The following TMTC1 variants were observed in gnomAD, a reference collection of about 807,000 sequenced individuals.
The protein encoded by TMTC1 is transmembrane O-mannosyltransferase targeting cadherins 1.
A neutral mutation model predicts 104.8 loss-of-function variants in TMTC1; 73 were observed. The ratio of observed to expected loss-of-function variants is 0.70; its 90% CI spans 0.58 to 0.85. The LOEUF is 0.85. Among genes scored for constraint, TMTC1 ranks in the 40% least tolerant of loss-of-function variants. The pLI is 0.00. For synonymous variants in TMTC1, 434 were observed against 428.7 expected (o/e 1.01, Z -0.15); for missense variants, 1,035 against 1,096.1 (o/e 0.94, Z 0.79).
chr12:29,685,593 C>T lies in TMTC1; in HGVS notation c.939-52257G>A, dbSNP rs116651662. Among the ~76,000 whole-genome samples, 592 of 151,942 alleles carry T rather than the reference C, an allele frequency of 3.9e-3. 5 individuals carry two copies. The highest frequency in any genetic ancestry group is 0.014 in the African/African-American group (564 of 41,428). On this transcript the variant is annotated intron_variant, in intron 5 of 17. Transcript: ENST00000539277. Reference sequence around the variant, plus strand: ...CACTGAATTTAAAAAAAGCAAATTACTCTGTTAAGAGGCATTATTTTCTAT... The same window carrying T: ...CACTGAATTTAAAAAAAGCAAATTATTCTGTTAAGAGGCATTATTTTCTAT...
At chr12:29,698,042 G>A (rs1236534005) in intron 5 of TMTC1, among the ~76,000 whole-genome samples, 10 of 152,148 alleles carry the variant, frequency 6.6e-5, no homozygotes, top group Admixed American at 6.5e-4. Flanking sequence ...TTGGAAATCA[G>A]GAGGTGCTGG....
chr12:29,551,103 G>C (rs964606134), intron 10 of TMTC1, among the ~76,000 whole-genome samples: 6 of 152,140 alleles, frequency 3.9e-5, no homozygotes, highest in East Asian at 1.9e-4. Flanking sequence ...GGTGCAGAGT[G>C]GGGGATAGAA....
chr12:29,689,762 C>T (rs1035570951), intron 5 of TMTC1, among the ~76,000 whole-genome samples: 1 of 152,132 alleles, frequency 6.6e-6, no homozygotes, highest in African/African-American at 2.4e-5. Context: ...AATGTGCTCC[C>T]TTCTGTTTGT....
At chr12:29,528,036 A>G (rs1944398282) in intron 11 of TMTC1, among the ~76,000 whole-genome samples, 1 of 152,182 alleles carries the variant, frequency 6.6e-6, no homozygotes, top group African/African-American at 2.4e-5. Flanking sequence ...GGAATGATCA[A>G]CTCTACTCAT....
At chr12:29,599,373 T>G (rs1383825132) in intron 7 of TMTC1, among the ~76,000 whole-genome samples, 1 of 152,228 alleles carries the variant, frequency 6.6e-6, no homozygotes, top group Non-Finnish European at 1.5e-5. Context: ...CTTTTGGTGG[T>G]AAACTCTGAC....
rs16934884 is a variant in TMTC1 at position 29,768,012 on chromosome 12, G to A, written c.366C>T (p.His122=). ...FYFHAVNIIL[H]CLVTLVLMYT... The stretch of plus-strand genomic sequence containing the variant: ...ACATCAGCACAAGAGTCACTAAGCA[G>A]TGTAAAATTATATTTACTGCATGAA... The change falls in exon 2 of 18, where the codon CAC becomes CAT. Residue 122 remains histidine (H), a synonymous_variant. Transcript: ENST00000539277. The A allele has an allele frequency of 4.0e-3, 6,520 of 1,613,686 alleles. 194 individuals are homozygous for A. The African/African-American group carries it at 0.07, about 17-fold the overall frequency.
rs757642370 is a variant in TMTC1, at chr12:29,506,857, C to A, written c.2638G>T (p.Asp880Tyr). 3 of 1,614,092 alleles carry A rather than the reference C, an allele frequency of 1.9e-6. No individual in the cohort carries two copies. The highest frequency in any genetic ancestry group is 1.3e-5 in the African/African-American group (1 of 75,032). Residue 880 changes from aspartate (D) to tyrosine (Y), a missense_variant, in exon 18 of 18, where the codon GAT (aspartate) becomes TAT (tyrosine). Asp to Tyr is a radical substitution (Grantham distance 160). Transcript: ENST00000539277. ...EKRLQEVREK[D>Y]QT is the part of the protein sequence containing the mutation. ...GTCAGACGGTGGTGCTATGTTTGAT[C>A]CTTTTCTCGAACTTCTTGTAATCGT...
chr12:29,616,540 C>T (rs753695164), intron 6 of TMTC1, among the ~76,000 whole-genome samples: 20 of 151,854 alleles, frequency 1.3e-4, no homozygotes, highest in African/African-American at 1.7e-4. Context: ...TGGTGGTGGA[C>T]GCCTGTAATC....
In TMTC1 at chr12:29,583,518, T is replaced by A. The variant is rs1176938677; in HGVS notation, c.1307A>T (p.Asn436Ile). Reference protein sequence around the residue: ...HGLSKLCTWLNRCGATTLIVS... With the variant: ...HGLSKLCTWLIRCGATTLIVS... ...AATCAGGGTGGTGGCCCCACATCGA[T>A]TCAGCCAAGTGCAGAGCTTGCTCAG... The change falls in exon 8 of 18, where the codon AAT becomes ATT. Residue 436 changes from asparagine to isoleucine, a missense_variant. Coordinates refer to ENST00000539277, the MANE Select transcript of TMTC1 (RefSeq NM_001193451.2). 1.9e-6 allele frequency: 3 copies of A among 1,613,788 alleles called. No individual in the cohort carries two copies. Among genetic ancestry groups the A allele is most frequent in the Non-Finnish European group, 2.5e-6 (3 of 1,179,852 alleles).
chr12:29,662,880 C>T (rs1322192538), intron 5 of TMTC1, among the ~76,000 whole-genome samples: 1 of 152,104 alleles, frequency 6.6e-6, no homozygotes, highest in African/African-American at 2.4e-5. Context: ...GTCCAAAAAA[C>T]ACAAAAGAGA....
At position 29,663,299 on chromosome 12, in the gene TMTC1, A is replaced by C. The variant is rs1261924565; in HGVS notation, c.939-29963T>G. ...TGTATCAATGGCAGCAGAAAGGCAAAGAGAATGACACAGTGGAAATGGAAA... is the reference window on the plus strand; with the variant it reads ...TGTATCAATGGCAGCAGAAAGGCAACGAGAATGACACAGTGGAAATGGAAA... On this transcript the variant is annotated intron_variant, in intron 5 of 17. Transcript: ENST00000539277. Among the ~76,000 whole-genome samples, 7 of 152,206 alleles carry C rather than the reference A, an allele frequency of 4.6e-5. No individual in the cohort carries two copies. In the East Asian group the frequency reaches 1.2e-3, roughly 25 times the overall value.
intron 1 of TMTC1, among the ~76,000 whole-genome samples, chr12:29,768,656 T>C (rs750572429): frequency 1.8e-4 from 27 of 152,308 alleles, no homozygotes; most frequent in South Asian, 1.2e-3. Flanking sequence ...TACAGGCTAT[T>C]ACCAGCTGCA....
rs1026471035 is a variant in TMTC1 at position 29,591,225 on chromosome 12, A to T, written c.1251-7651T>A. 3.2e-4 allele frequency among the ~76,000 whole-genome samples: 49 copies of T among 151,670 alleles called. 1 individual carries two copies. Among genetic ancestry groups the T allele is most frequent in the Admixed American group, 1.3e-3 (20 of 15,226 alleles). On this transcript the variant is annotated intron_variant, in intron 7 of 17. Transcript: ENST00000539277. ...CCACTATGAAACTTCATCTTTCAAC[A>T]TCTGCTTGAATGCAGATCTCAGCAG...
At chr12:29,523,930 A>T (rs1359712814) in intron 11 of TMTC1, among the ~76,000 whole-genome samples, 4 of 152,104 alleles carry the variant, frequency 2.6e-5, no homozygotes, top group Non-Finnish European at 5.9e-5. Flanking sequence ...AAATAATGGC[A>T]TCTCCTAATT....
chr12:29,513,587 A>G (rs1435831636), intron 16 of TMTC1, among the ~76,000 whole-genome samples: 1 of 152,140 alleles, frequency 6.6e-6, no homozygotes. Flanking sequence ...CAATTGTATC[A>G]TTTGAGATTT....
At chr12:29,756,899 C>A (rs1329187751) in intron 3 of TMTC1, among the ~76,000 whole-genome samples, 2 of 152,158 alleles carry the variant, frequency 1.3e-5, no homozygotes, top group Non-Finnish European at 2.9e-5. Context: ...GCATGCAAAA[C>A]CAATCTGTAA....
At chr12:29,607,942 A>T (rs1244115696) in intron 6 of TMTC1, among the ~76,000 whole-genome samples, 1 of 152,150 alleles carries the variant, frequency 6.6e-6, no homozygotes, top group Non-Finnish European at 1.5e-5. Flanking sequence ...CTTTGTTTTT[A>T]AAACAGGAAA....
intron 11 of TMTC1, chr12:29,533,257 C>T (rs1435514925): frequency 1.3e-5 from 2 of 152,082 alleles, no homozygotes; most frequent in African/African-American, 2.4e-5. Flanking sequence ...CTACTTTGCG[C>T]GAACAGATTA....
At chr12:29,742,917 T>C (rs922743423) in intron 5 of TMTC1, among the ~76,000 whole-genome samples, 1 of 152,228 alleles carries the variant, frequency 6.6e-6, no homozygotes, top group Non-Finnish European at 1.5e-5. Flanking sequence ...TATACAACTT[T>C]CCTTCATTAA....
Sources: gnomAD v4.1 joint callset for allele counts (sites outside exome capture counted in the v4.1 genomes callset) on GRCh38, gnomAD v4.1.1 for gene constraint, MANE v1.5 for transcripts, NCBI Gene and HGNC (gene_info 2026-07-23, HGNC 2026-07-21) for gene names.